Variants in VEGFD observed in about 807,000 individuals in gnomAD.
VEGFD encodes the protein c-fos induced growth factor (vascular endothelial growth factor D).
Under a neutral mutation model 28.0 loss-of-function variants are expected in VEGFD, and 26 were observed. That is an observed-to-expected ratio of 0.93 (90% CI 0.68 to 1.29). The LOEUF is 1.29. Among genes scored for constraint, VEGFD ranks in the 50% most tolerant of loss-of-function variants. The pLI, the probability that VEGFD is intolerant of heterozygous loss-of-function variation, is 0.00. For synonymous variants in VEGFD, 93 were observed against 95.5 expected (o/e 0.97, Z 0.15); for missense variants, 294 against 273.4 (o/e 1.08, Z -0.53).
At chrX:15,365,581 T>G (rs1359699704) in intron 1 of VEGFD, among the ~76,000 whole-genome samples, 2 of 112,291 alleles carry the variant, frequency 1.8e-5, no homozygotes, top group Non-Finnish European at 3.8e-5. Flanking sequence ...GCTTTCATAC[T>G]ACAAAAGCAG....
chrX:15,360,680 T>C (rs1922992646), intron 2 of VEGFD, among the ~76,000 whole-genome samples: 1 of 112,071 alleles, frequency 8.9e-6, no homozygotes, highest in Non-Finnish European at 1.9e-5. Context: ...AATATTTATA[T>C]AAAAAGCCTG....
At position 15,358,147 on chromosome X, in the gene VEGFD, C is replaced by T. The variant is rs1448667843; in HGVS notation, c.348G>A (p.Thr116=). Residue 116 remains threonine, a synonymous_variant, in exon 3 of 7, where the codon ACG becomes ACA. Coordinates refer to ENST00000297904, the MANE Select transcript of VEGFD (RefSeq NM_004469.5). ...CCAGCTCACTGGCCACCTCCACGCACGTTTCTCTAGGGCTGCACTGAGTTC... is the reference window on the plus strand; with the variant it reads ...CCAGCTCACTGGCCACCTCCACGCATGTTTCTCTAGGGCTGCACTGAGTTC... The part of the protein sequence containing the change: ...WQRTQCSPRE[T]CVEVASELGK... The T allele has an allele frequency of 1.1e-5, 13 of 1,209,574 alleles. No homozygotes were observed. Among genetic ancestry groups the T allele is most frequent in the East Asian group, 5.9e-5 (2 of 33,759 alleles).
Position 15,347,146 on chromosome X carries a change from A to T in VEGFD, c.938+18T>A, listed in dbSNP as rs1445531595. On this transcript the variant is annotated intron_variant, in intron 6 of 6. Transcript: ENST00000297904. ...GTTAAATGTCATGAGTAAAGGCAAG[A>T]CAACTCAAGGCATTTACCTGCAGGT... is the stretch of plus-strand genomic sequence containing the variant. The T allele has an allele frequency of 8.4e-7, 1 of 1,192,331 alleles. No homozygotes were observed. Among genetic ancestry groups the T allele is most frequent in the Non-Finnish European group, 1.1e-6 (1 of 882,605 alleles).
chrX:15,376,954 G>A (rs1311664584), intron 1 of VEGFD, among the ~76,000 whole-genome samples: 1 of 111,953 alleles, frequency 8.9e-6, no homozygotes, highest in Non-Finnish European at 1.9e-5. Context: ...CTTTCCAGAA[G>A]CAATGTTAGC....
At chrX:15,369,850 A>T (rs752406395) in intron 1 of VEGFD, among the ~76,000 whole-genome samples, 2 of 112,051 alleles carry the variant, frequency 1.8e-5, no homozygotes, top group South Asian at 7.5e-4. Flanking sequence ...TAAAAAGAGG[A>T]AGGACTGGAG....
chrX:15,363,246 C>T lies in VEGFD; in HGVS notation c.164G>A (p.Arg55Gln), dbSNP rs150570733. The T allele has an allele frequency of 8.3e-7, 1 of 1,210,972 alleles. No homozygotes were observed. Among genetic ancestry groups the T allele is most frequent in the Middle Eastern group, 2.3e-4 (1 of 4,354 alleles). ...CTTCCAGTCCTCAGAGTGAGTAATT[C>T]GAAGTAGTTCCTCCAAACTAGAAGC... is the stretch of plus-strand genomic sequence containing the variant. ...RAASSLEELL[R>Q]ITHSEDWKLW... Residue 55 changes from arginine (R) to glutamine (Q), a missense_variant, in exon 2 of 7, where the codon CGA becomes CAA. Arg to Gln is a conservative substitution (Grantham distance 43). Coordinates refer to ENST00000297904, the MANE Select transcript of VEGFD (RefSeq NM_004469.5).
At chrX:15,374,219 G>A (rs917680844) in intron 1 of VEGFD, among the ~76,000 whole-genome samples, 1 of 112,204 alleles carries the variant, frequency 8.9e-6, no homozygotes, top group Non-Finnish European at 1.9e-5. Context: ...TCCTACTTCT[G>A]GGGATTTTAC....
At chrX:15,367,946 G>T (rs1008348230) in intron 1 of VEGFD, among the ~76,000 whole-genome samples, 1 of 92,897 alleles carries the variant, frequency 1.1e-5, no homozygotes, top group Non-Finnish European at 2.1e-5. Context: ...AATGGAGCAC[G>T]ATCTTGAAAA....
At chrX:15,373,570 C>A (rs948013843) in intron 1 of VEGFD, among the ~76,000 whole-genome samples, 1 of 111,674 alleles carries the variant, frequency 9.0e-6, no homozygotes, top group African/African-American at 3.3e-5. Flanking sequence ...TACCCAGAAG[C>A]TTTAGGGTGA....
At chrX:15,368,087 G>A (rs199559134) in intron 1 of VEGFD, among the ~76,000 whole-genome samples, 2 of 90,644 alleles carry the variant, frequency 2.2e-5, no homozygotes, top group African/African-American at 8.6e-5. Context: ...AGAAAGAAAA[G>A]AAAGAAAGAA....
chrX:15,351,027 ATTTTTTTT>A (rs35997805), intron 5 of VEGFD, among the ~76,000 whole-genome samples: 6 of 14,754 alleles, frequency 4.1e-4, no homozygotes, highest in Non-Finnish European at 5.5e-4. Context: ...ATGCCCAGCT[ATTTTTTTT>A]TTTTTTTTTT....
At chrX:15,347,097 C>T in intron 6 of VEGFD, 67 bp downstream of exon 6, 1 of 1,028,818 alleles carries the variant, frequency 9.7e-7, no homozygotes, top group Non-Finnish European at 1.3e-6. Context: ...CTAAGGAATC[C>T]CACCAAATTA....
In VEGFD at chrX:15,346,109, G is replaced by A; in HGVS notation, c.*24C>T. On this transcript the variant is annotated 3_prime_UTR_variant, in exon 7 of 7. Coordinates refer to ENST00000297904, the MANE Select transcript of VEGFD (RefSeq NM_004469.5). ...AGCAGCATGCTGTTAAAAATGACAGGGATGGGGAACTTGGAACGCTGAATC... is the reference window on the plus strand; with the variant it reads ...AGCAGCATGCTGTTAAAAATGACAGAGATGGGGAACTTGGAACGCTGAATC... The A allele has an allele frequency of 1.7e-6, 2 of 1,205,432 alleles. No individual in the cohort carries two copies. Among genetic ancestry groups the A allele is most frequent in the Admixed American group, 2.2e-5 (1 of 44,802 alleles).
chrX:15,352,961 T>C, intron 5 of VEGFD, 107 bp downstream of exon 5: 1 of 334,084 alleles, frequency 3.0e-6, no homozygotes, highest in Non-Finnish European at 5.4e-6. Context: ...TTAAAACATA[T>C]ACAAGATTTA....
intron 1 of VEGFD, among the ~76,000 whole-genome samples, chrX:15,375,409 TA>T (rs895610964): frequency 8.9e-6 from 1 of 111,988 alleles, no homozygotes; most frequent in African/African-American, 3.2e-5. Context: ...GTGTACTAAC[TA>T]GGGCAGGGAG....
At chrX:15,348,250 T>C (rs1922603763) in intron 5 of VEGFD, among the ~76,000 whole-genome samples, 1 of 111,839 alleles carries the variant, frequency 8.9e-6, no homozygotes, top group African/African-American at 3.3e-5. Context: ...CCTCTCTAAA[T>C]TTGTTCTTTA....
Position 15,358,071 on chromosome X carries a change from A to G in VEGFD, c.424T>C (p.Cys142Arg), listed in dbSNP as rs764393577. ...FKPPCVNVFRCGGCCNEESLI... is the reference protein window; with the variant it reads ...FKPPCVNVFRRGGCCNEESLI... Reference sequence around the variant, plus strand: ...CTCTCTTCATTGCAACAGCCACCACATCGGAACACGTTCACACAAGGGGGC... The same window carrying G: ...CTCTCTTCATTGCAACAGCCACCACGTCGGAACACGTTCACACAAGGGGGC... The change falls in exon 3 of 7, where the codon TGT becomes CGT. Residue 142 changes from cysteine to arginine, a missense_variant. Physicochemically the swap from Cys to Arg is radical, Grantham distance 180 (BLOSUM62 -3). Coordinates refer to ENST00000297904, the MANE Select transcript of VEGFD (RefSeq NM_004469.5). 7 of 1,210,029 alleles carry G rather than the reference A, an allele frequency of 5.8e-6. No homozygotes were observed. Among genetic ancestry groups the G allele is most frequent in the Non-Finnish European group, 2.2e-6 (2 of 895,196 alleles).
chrX:15,352,479 A>G (rs953295810), intron 5 of VEGFD, among the ~76,000 whole-genome samples: 1 of 111,468 alleles, frequency 9.0e-6, no homozygotes, highest in Non-Finnish European at 1.9e-5. Context: ...CCCTTAGACC[A>G]ATAGCCATAT....
intron 1 of VEGFD, among the ~76,000 whole-genome samples, chrX:15,376,396 G>A (rs1254024199): frequency 6.2e-5 from 7 of 112,094 alleles, no homozygotes; most frequent in Admixed American, 4.7e-4. Flanking sequence ...CTGACTTGGA[G>A]ACATAAGTGA....
Sources: gnomAD v4.1 joint callset for allele counts (sites outside exome capture counted in the v4.1 genomes callset) on GRCh38, gnomAD v4.1.1 for gene constraint, MANE v1.5 for transcripts, NCBI Gene and HGNC (gene_info 2026-07-23, HGNC 2026-07-21) for gene names.